The following DCAF8L2 variants were observed in gnomAD, a reference collection of about 807,000 sequenced individuals.
DCAF8L2 encodes the protein DDB1 and CUL4 associated factor 8 like 2, also known as DDB1- and CUL4-associated factor 8-like protein 2.
For synonymous variants in DCAF8L2, 200 were observed against 190.9 expected, an observed-to-expected ratio of 1.05 and a Z score of -0.39; for missense variants, 430 against 490.7, an observed-to-expected ratio of 0.88 and a Z score of 1.17.
chrX:27,743,734 T>C (rs1392055373), intron 4 of DCAF8L2, among the ~76,000 whole-genome samples: 2 of 100,155 alleles, frequency 2.0e-5, no homozygotes, highest in African/African-American at 7.6e-5. Flanking sequence ...TATTTATTTA[T>C]TTATTTATTT....
the DCAF8L2 span, among the ~76,000 whole-genome samples, chrX:27,493,937 TTG>T: frequency 2.7e-5 from 3 of 111,031 alleles, no homozygotes; most frequent in Non-Finnish European, 5.7e-5. Flanking sequence ...TCTCATAATT[TTG>T]TTCCTTTCTA....
chrX:27,736,342 C>T (rs1196467121), intron 4 of DCAF8L2, among the ~76,000 whole-genome samples: 1 of 111,659 alleles, frequency 9.0e-6, no homozygotes, highest in African/African-American at 3.3e-5. Context: ...CATCTTTTAT[C>T]TGCACTATTC....
At chrX:27,576,255 C>T in the DCAF8L2 span, among the ~76,000 whole-genome samples, 1 of 111,732 alleles carries the variant, frequency 8.9e-6, no homozygotes, top group Non-Finnish European at 1.9e-5. Flanking sequence ...ATTCCAGGTA[C>T]CAATAGTAGA....
intron 4 of DCAF8L2, among the ~76,000 whole-genome samples, chrX:27,727,464 T>A (rs1029249029): frequency 9.0e-6 from 1 of 111,650 alleles, no homozygotes; most frequent in African/African-American, 3.3e-5. Context: ...CATTTGAATG[T>A]CCTTATGTGT....
At position 27,694,761 on chromosome X, in the gene DCAF8L2, C is replaced by T. The variant is rs145802480; in HGVS notation, c.-143+16849C>T. Among the ~76,000 whole-genome samples the T allele has an allele frequency of 8.1e-3, 899 of 111,443 alleles. 3 individuals carry two copies. Among genetic ancestry groups the T allele is most frequent in the Non-Finnish European group, 0.013 (691 of 53,076 alleles). On this transcript the variant is annotated intron_variant, in intron 3 of 4. Transcript: ENST00000451261. ...ATATTCATAGAAAACTTTCAGGTAT[C>T]CAAGGATATGAATTAGATTGGAGAT...
At chrX:27,547,845 T>TTCTCTCTCTCTCTCTCTC in the DCAF8L2 span, among the ~76,000 whole-genome samples, 5 of 46,290 alleles carry the variant, frequency 1.1e-4, no homozygotes, top group African/African-American at 2.2e-4. Flanking sequence ...CTCTCTCTCT[T>TTCTCTCTCTCTCTCTCTC]TCTCTCTCTC....
the DCAF8L2 span, among the ~76,000 whole-genome samples, chrX:27,478,357 GA>G: frequency 8.9e-6 from 1 of 112,127 alleles, no homozygotes; most frequent in South Asian, 3.7e-4. Context: ...CTGCTAAGAA[GA>G]AAAAGTTGAC....
chrX:27,536,645 A>AG, the DCAF8L2 span, among the ~76,000 whole-genome samples: 1 of 76,788 alleles, frequency 1.3e-5, no homozygotes, highest in South Asian at 9.8e-4. Context: ...AAGGAAAAAT[A>AG]GGAAAAAAAA....
intron 3 of DCAF8L2, among the ~76,000 whole-genome samples, chrX:27,710,289 A>G (rs1188273293): frequency 9.0e-6 from 1 of 111,689 alleles, no homozygotes; most frequent in Admixed American, 9.5e-5. Flanking sequence ...ATTCCCATAT[A>G]CATCCTAAAA....
the DCAF8L2 span, among the ~76,000 whole-genome samples, chrX:27,572,107 T>A: frequency 1.8e-5 from 2 of 112,169 alleles, no homozygotes; most frequent in African/African-American, 6.5e-5. Flanking sequence ...GGAAACACAA[T>A]CCCCTTTTCT....
chrX:27,603,290 G>C (rs745832320), intron 1 of DCAF8L2, among the ~76,000 whole-genome samples: 1 of 111,665 alleles, frequency 9.0e-6, no homozygotes, highest in African/African-American at 3.3e-5. Flanking sequence ...AAGCTTCTGT[G>C]CTCATTTTTG....
chrX:27,686,262 C>T (rs1969580986), intron 3 of DCAF8L2, among the ~76,000 whole-genome samples: 1 of 111,112 alleles, frequency 9.0e-6, no homozygotes, highest in Non-Finnish European at 1.9e-5. Flanking sequence ...GAAATCAGTA[C>T]ATCAAAGAGA....
chrX:27,702,298 C>A (rs1931155594), intron 3 of DCAF8L2, among the ~76,000 whole-genome samples: 1 of 85,842 alleles, frequency 1.2e-5, no homozygotes, highest in Admixed American at 1.2e-4. Context: ...AATACCAATT[C>A]CCTCACAAAT....
At chrX:27,564,496 G>A in the DCAF8L2 span, among the ~76,000 whole-genome samples, 1 of 102,851 alleles carries the variant, frequency 9.7e-6, no homozygotes, top group African/African-American at 3.6e-5. Context: ...TGAGGTGCAC[G>A]TGCTCTCTTT....
At chrX:27,515,406 G>A in the DCAF8L2 span, among the ~76,000 whole-genome samples, 3 of 111,870 alleles carry the variant, frequency 2.7e-5, no homozygotes, top group Non-Finnish European at 3.8e-5. Flanking sequence ...TTAGCCAGGC[G>A]TGGTGGTGCA....
At chrX:27,568,247 T>C in the DCAF8L2 span, among the ~76,000 whole-genome samples, 1 of 111,512 alleles carries the variant, frequency 9.0e-6, no homozygotes, top group Non-Finnish European at 1.9e-5. Flanking sequence ...ACAGGAGTAG[T>C]AAACTCCCTA....
chrX:27,666,615 T>C (rs1929749718), intron 2 of DCAF8L2, among the ~76,000 whole-genome samples: 1 of 112,389 alleles, frequency 8.9e-6, no homozygotes, highest in African/African-American at 3.2e-5. Flanking sequence ...AATATTATTT[T>C]GTAGAATGTG....
At chrX:27,618,952 G>T (rs9306773) in intron 1 of DCAF8L2, among the ~76,000 whole-genome samples, 1 of 108,346 alleles carries the variant, frequency 9.2e-6, no homozygotes, top group African/African-American at 3.4e-5. Context: ...TAATTAAGCC[G>T]ATCTCTTCTG....
At chrX:27,639,121 A>G in intron 2 of DCAF8L2, among the ~76,000 whole-genome samples, 1 of 112,449 alleles carries the variant, frequency 8.9e-6, no homozygotes, top group Non-Finnish European at 1.9e-5. Flanking sequence ...AAAAATAATG[A>G]CATCCAGTCA....
Sources: allele counts gnomAD v4.1 joint callset (sites outside exome capture counted in the v4.1 genomes callset), GRCh38; gene constraint gnomAD v4.1.1; transcripts MANE v1.5; gene names NCBI Gene and HGNC (gene_info 2026-07-23, HGNC 2026-07-21).